Variants in NHSL2 observed in about 807,000 individuals in gnomAD.
NHSL2 encodes the protein NHS like 2, also known as NHS-like protein 2.
Under a neutral mutation model 53.4 loss-of-function variants are expected in NHSL2, and 27 were observed. The ratio of observed to expected loss-of-function variants is 0.51; its 90% CI spans 0.37 to 0.70. NHSL2 has a LOEUF of 0.70. NHSL2 is among the 30% of genes least tolerant of loss of function. NHSL2 has a pLI of 0.00. For synonymous variants in NHSL2, 408 were observed against 404.1 expected (o/e 1.01, Z -0.12); for missense variants, 892 against 980.1 (o/e 0.91, Z 1.20).
At chrX:72,085,714 T>G (rs868672215) in intron 1 of NHSL2, among the ~76,000 whole-genome samples, 90 of 65,169 alleles carry the variant, frequency 1.4e-3, no homozygotes, top group Non-Finnish European at 2.0e-3. Flanking sequence ...GTTTTTTTTT[T>G]GTTTTTTTTT....
At chrX:72,126,271 G>A (rs975083796) in intron 1 of NHSL2, among the ~76,000 whole-genome samples, 1 of 111,502 alleles carries the variant, frequency 9.0e-6, no homozygotes. Context: ...GCAGAACTAG[G>A]AGACCAGCCT....
chrX:71,921,647 T>C (rs1204882797), intron 1 of NHSL2, among the ~76,000 whole-genome samples: 1 of 111,660 alleles, frequency 9.0e-6, no homozygotes, highest in Non-Finnish European at 1.9e-5. Flanking sequence ...TGTTACTGGG[T>C]TGGATCCCTA....
intron 1 of NHSL2, chrX:72,129,941 G>T (rs201122770): frequency 1.7e-6 from 2 of 1,209,365 alleles, no homozygotes; most frequent in Non-Finnish European, 1.1e-6. Context: ...CGACCTGTGC[G>T]GCGAATCAGT....
chrX:72,041,171 T>C (rs1356517279), intron 1 of NHSL2, among the ~76,000 whole-genome samples: 2 of 111,823 alleles, frequency 1.8e-5, no homozygotes, highest in African/African-American at 3.3e-5. Flanking sequence ...AATATGGAAG[T>C]CTGTTTTGGG....
At chrX:71,963,976 T>TATAC (rs1556312137) in intron 1 of NHSL2, among the ~76,000 whole-genome samples, 1 of 5,085 alleles carries the variant, frequency 2.0e-4, no homozygotes, top group Non-Finnish European at 9.1e-4. Context: ...TATATATACA[T>TATAC]ATATATATAT....
chrX:71,958,997 G>A (rs7878231), intron 1 of NHSL2, among the ~76,000 whole-genome samples: 17,014 of 111,332 alleles, frequency 0.15, 1,882 homozygotes, highest in African/African-American at 0.38. Flanking sequence ...CAAATTAGTT[G>A]CAAACGATCC....
intron 1 of NHSL2, among the ~76,000 whole-genome samples, chrX:72,010,373 T>C (rs923226951): frequency 8.9e-6 from 1 of 112,160 alleles, no homozygotes. Context: ...TCTAGAACAA[T>C]GTAGTTGTGT....
chrX:72,101,379 G>T (rs924157834), intron 1 of NHSL2, among the ~76,000 whole-genome samples: 3 of 110,840 alleles, frequency 2.7e-5, no homozygotes, highest in Non-Finnish European at 5.7e-5. Context: ...GGAGCAGCCA[G>T]TTTTGCCCTG....
At chrX:71,992,545 A>G (rs1370171057) in intron 1 of NHSL2, among the ~76,000 whole-genome samples, 2 of 112,563 alleles carry the variant, frequency 1.8e-5, no homozygotes, top group African/African-American at 6.5e-5. Flanking sequence ...ACAAAGCCCT[A>G]GTACTGTTTG....
At chrX:72,022,247 A>C (rs1317485235) in intron 1 of NHSL2, among the ~76,000 whole-genome samples, 1 of 111,798 alleles carries the variant, frequency 8.9e-6, no homozygotes, top group Admixed American at 9.4e-5. Flanking sequence ...GAGGCCAATA[A>C]ATATTATTAT....
chrX:71,948,562 T>C (rs2041804330), intron 1 of NHSL2, among the ~76,000 whole-genome samples: 1 of 111,564 alleles, frequency 9.0e-6, no homozygotes, highest in South Asian at 3.8e-4. Context: ...CCAGGCACGG[T>C]GGCTCACGCC....
chrX:72,048,174 T>C (rs1334687846), intron 1 of NHSL2, among the ~76,000 whole-genome samples: 1 of 110,649 alleles, frequency 9.0e-6, no homozygotes, highest in Non-Finnish European at 1.9e-5. Context: ...TTGGATTAAC[T>C]CACTCAGTCC....
chrX:71,930,956 A>C (rs2041709864), intron 1 of NHSL2, among the ~76,000 whole-genome samples: 1 of 112,204 alleles, frequency 8.9e-6, no homozygotes, highest in Non-Finnish European at 1.9e-5. Context: ...TCTACATCTA[A>C]CTTTTGAGGA....
chrX:71,962,759 A>G (rs1441148600), intron 1 of NHSL2, among the ~76,000 whole-genome samples: 2 of 107,330 alleles, frequency 1.9e-5, no homozygotes, highest in Non-Finnish European at 3.8e-5. Context: ...TCTTCTGAGT[A>G]GCTGGGACTA....
At chrX:72,087,234 G>A (rs2041856648) in intron 1 of NHSL2, among the ~76,000 whole-genome samples, 1 of 112,884 alleles carries the variant, frequency 8.9e-6, no homozygotes, top group Admixed American at 9.3e-5. Context: ...AAGACATTAT[G>A]CTAACCGAAA....
rs1213802604 is a variant in NHSL2, at chrX:72,134,082, A to G, written c.437-9A>G. On this transcript the variant is annotated splice_polypyrimidine_tract_variant and intron_variant, in intron 2 of 7. Coordinates refer to ENST00000633930, the MANE Select transcript of NHSL2 (RefSeq NM_001013627.3). ...CTAGAGTGTGTGTCTCCACTGTGCT[A>G]TTTTTCAGAAGAATATGAGGAACAG... The G allele has an allele frequency of 1.5e-5, 17 of 1,165,233 alleles. No individual in the cohort carries two copies. The highest frequency in any genetic ancestry group is 5.2e-5 in the Admixed American group (2 of 38,541).
intron 1 of NHSL2, among the ~76,000 whole-genome samples, chrX:72,028,335 G>T (rs1412767160): frequency 8.9e-6 from 1 of 112,694 alleles, no homozygotes; most frequent in Non-Finnish European, 1.9e-5. Context: ...AGGTAGAGAA[G>T]GCAAACTGGG....
In NHSL2 at chrX:72,148,834, G is replaced by GT. The variant is rs1444323733; in HGVS notation, c.*5260_*5261insT. 8 of 73,279 alleles carry GT rather than the reference G, an allele frequency of 1.1e-4. No individual in the cohort carries two copies. The highest frequency in any genetic ancestry group is 5.3e-5 in the Non-Finnish European group (2 of 38,029). 6.0% of individuals were successfully genotyped at this position (73,279 alleles called of 1,213,427 possible). ...GGAGAGGGAGAAAGAGAGAGAGAGA[G>GT]AGTGTATGTGTGTGTGTGTGTGTGT... On this transcript the variant is annotated 3_prime_UTR_variant, in exon 8 of 8. Coordinates refer to ENST00000633930, the MANE Select transcript of NHSL2 (RefSeq NM_001013627.3).
intron 1 of NHSL2, among the ~76,000 whole-genome samples, chrX:72,015,540 AG>A (rs1327618794): frequency 8.9e-6 from 1 of 112,246 alleles, no homozygotes; most frequent in Non-Finnish European, 1.9e-5. Context: ...GCTGGGTAAT[AG>A]GGGATGCACA....
Sources: allele counts gnomAD v4.1 joint callset (sites outside exome capture counted in the v4.1 genomes callset), GRCh38; gene constraint gnomAD v4.1.1; transcripts MANE v1.5; gene names NCBI Gene and HGNC (gene_info 2026-07-23, HGNC 2026-07-21).